Variants in RANBP17 observed in about 807,000 individuals in gnomAD.
RANBP17 encodes ran-binding protein 17.
Under a neutral mutation model 141.2 loss-of-function variants are expected in RANBP17, and 158 were observed. The ratio of observed to expected loss-of-function variants is 1.12; its 90% CI spans 0.98 to 1.28. RANBP17 has a LOEUF of 1.28. RANBP17 is among the 50% of genes most tolerant of loss of function. RANBP17 has a pLI of 0.00. For synonymous variants in RANBP17, 430 were observed against 450.0 expected, an observed-to-expected ratio of 0.96 and a Z score of 0.56; for missense variants, 1,438 against 1,290.7, an observed-to-expected ratio of 1.11 and a Z score of -1.75.
intron 14 of RANBP17, among the ~76,000 whole-genome samples, chr5:171,003,862 C>G (rs2127580565): frequency 6.6e-6 from 1 of 151,938 alleles, no homozygotes; most frequent in East Asian, 1.9e-4. Flanking sequence ...GGGAATAGTG[C>G]AAAAAGCATC....
At chr5:171,235,568 A>G (rs1764489934) in intron 22 of RANBP17, among the ~76,000 whole-genome samples, 1 of 152,086 alleles carries the variant, frequency 6.6e-6, no homozygotes, top group South Asian at 2.1e-4. Context: ...GGTAGGGAAT[A>G]TTAGTATTAG....
intron 14 of RANBP17, among the ~76,000 whole-genome samples, chr5:171,156,845 A>G (rs1302961749): frequency 6.6e-6 from 1 of 152,178 alleles, no homozygotes; most frequent in Non-Finnish European, 1.5e-5. Flanking sequence ...AGAGGCTAAG[A>G]GTGCAAACTG....
At chr5:170,954,792 T>C (rs988779267) in intron 13 of RANBP17, among the ~76,000 whole-genome samples, 3 of 152,320 alleles carry the variant, frequency 2.0e-5, no homozygotes, top group African/African-American at 2.4e-5. Context: ...TCAAAAGTTA[T>C]GTAGCATTTT....
chr5:170,969,034 A>C (rs1489833715), intron 14 of RANBP17, among the ~76,000 whole-genome samples: 1 of 151,844 alleles, frequency 6.6e-6, no homozygotes, highest in Non-Finnish European at 1.5e-5. Flanking sequence ...ATTTGAACTT[A>C]GTTTGTTTTA....
intron 5 of RANBP17, chr5:170,903,853 C>A: frequency 2.2e-6 from 1 of 461,020 alleles, no homozygotes; most frequent in Non-Finnish European, 4.2e-6. Flanking sequence ...CTAACAAGCT[C>A]CGCAAGATTT....
chr5:171,107,226 T>C (rs1425870159), intron 14 of RANBP17, among the ~76,000 whole-genome samples: 1 of 152,214 alleles, frequency 6.6e-6, no homozygotes, highest in Non-Finnish European at 1.5e-5. Flanking sequence ...AGCCTCACAT[T>C]CTAGTACTCA....
intron 14 of RANBP17, among the ~76,000 whole-genome samples, chr5:171,009,570 G>A (rs1391139053): frequency 6.6e-6 from 1 of 152,094 alleles, no homozygotes; most frequent in Non-Finnish European, 1.5e-5. Context: ...TTCTAAACTA[G>A]GTGATCTCCA....
At chr5:171,202,441 C>G (rs1762349549) in intron 19 of RANBP17, among the ~76,000 whole-genome samples, 1 of 152,146 alleles carries the variant, frequency 6.6e-6, no homozygotes, top group African/African-American at 2.4e-5. Context: ...AAATAGGAAC[C>G]TGCTATCTTT....
At chr5:171,080,241 C>T (rs933578798) in intron 14 of RANBP17, among the ~76,000 whole-genome samples, 6 of 104,750 alleles carry the variant, frequency 5.7e-5, no homozygotes, top group African/African-American at 2.1e-4. Flanking sequence ...TACACACACA[C>T]AAAACACACA....
Position 170,871,026 on chromosome 5 carries a change from G to A in RANBP17, c.19-7071G>A, listed in dbSNP as rs183751480. On this transcript the variant is annotated intron_variant, in intron 1 of 27. Transcript: ENST00000523189. ...TGGCCACATAAATGTCTTCTTTTGA[G>A]AAGTGTCTGTTCATGTCCTTTGCCC... Among the ~76,000 whole-genome samples the A allele has an allele frequency of 2.5e-3, 383 of 152,192 alleles. 5 individuals carry two copies. The highest frequency in any genetic ancestry group is 7.7e-3 in the African/African-American group (321 of 41,514).
chr5:170,981,665 G>A lies in RANBP17; in HGVS notation c.1710+13288G>A, dbSNP rs114958774. ...CCCAGACATGTGAAACTGTAAGTCCGTAAACCTCTTTCATAAATTACCCAG... is the reference window on the plus strand; with the variant it reads ...CCCAGACATGTGAAACTGTAAGTCCATAAACCTCTTTCATAAATTACCCAG... On this transcript the variant is annotated intron_variant, in intron 14 of 27. Transcript: ENST00000523189. Among the ~76,000 whole-genome samples, 460 of 151,986 alleles carry A rather than the reference G, an allele frequency of 3.0e-3. 4 individuals are homozygous for A. The highest frequency in any genetic ancestry group is 9.7e-3 in the African/African-American group (404 of 41,448).
intron 13 of RANBP17, among the ~76,000 whole-genome samples, chr5:170,964,108 G>C (rs989447159): frequency 1.3e-5 from 2 of 152,008 alleles, no homozygotes; most frequent in African/African-American, 4.8e-5. Flanking sequence ...TGTGTATATA[G>C]ACACTCTTAT....
At chr5:171,127,933 G>A (rs1394964609) in intron 14 of RANBP17, among the ~76,000 whole-genome samples, 1 of 152,184 alleles carries the variant, frequency 6.6e-6, no homozygotes, top group Admixed American at 6.5e-5. Flanking sequence ...GGCCGAGGCG[G>A]GCAGATCATG....
chr5:170,958,144 A>G (rs1775872126), intron 13 of RANBP17, among the ~76,000 whole-genome samples: 2 of 152,182 alleles, frequency 1.3e-5, no homozygotes, highest in Admixed American at 6.5e-5. Flanking sequence ...CTGGGGGAGT[A>G]AGGACAAGCA....
rs551025485 is a variant in RANBP17, at chr5:171,191,556, G to A, written c.2039-8114G>A. On this transcript the variant is annotated intron_variant, in intron 18 of 27. Transcript: ENST00000523189. ...CAAAAAATTAGCCAGGCGTCATGGC[G>A]GGTCTCTGTAGTCCCAGCTACTCGG... Among the ~76,000 whole-genome samples, 4 of 152,132 alleles carry A rather than the reference G, an allele frequency of 2.6e-5. No homozygotes were observed. In the East Asian group the frequency reaches 5.8e-4, roughly 22 times the overall value.
At chr5:171,152,719 T>TA (rs1324785028) in intron 14 of RANBP17, among the ~76,000 whole-genome samples, 1 of 152,190 alleles carries the variant, frequency 6.6e-6, no homozygotes, top group Non-Finnish European at 1.5e-5. Context: ...TACAAACTCA[T>TA]ACCTGGATCA....
chr5:171,282,907 G>T (rs1422416954), intron 25 of RANBP17, among the ~76,000 whole-genome samples: 1 of 151,968 alleles, frequency 6.6e-6, no homozygotes, highest in Non-Finnish European at 1.5e-5. Flanking sequence ...AGCTTTAATG[G>T]CACCCCATTT....
intron 14 of RANBP17, among the ~76,000 whole-genome samples, chr5:171,138,597 G>A (rs1212521351): frequency 6.7e-6 from 1 of 149,616 alleles, no homozygotes; most frequent in Non-Finnish European, 1.5e-5. Context: ...CTTAGAGAAC[G>A]AAAGCAACAG....
intron 14 of RANBP17, among the ~76,000 whole-genome samples, chr5:171,010,511 G>T (rs1172863883): frequency 1.3e-5 from 2 of 152,094 alleles, no homozygotes; most frequent in African/African-American, 4.8e-5. Context: ...TATATGAAGT[G>T]CCCAGCCAGA....
Sources: gnomAD v4.1 joint callset for allele counts (sites outside exome capture counted in the v4.1 genomes callset) on GRCh38, gnomAD v4.1.1 for gene constraint, MANE v1.5 for transcripts, NCBI Gene and HGNC (gene_info 2026-07-23, HGNC 2026-07-21) for gene names.